The following THSD7B variants were observed in gnomAD, a reference collection of about 807,000 sequenced individuals.
The protein encoded by THSD7B is thrombospondin type 1 domain containing 7B.
Under a neutral mutation model 213.6 loss-of-function variants are expected in THSD7B, and 138 were observed. The ratio of observed to expected loss-of-function variants is 0.65; its 90% CI spans 0.56 to 0.74. The LOEUF is 0.74. Ranked by LOEUF, THSD7B falls within the 30% of genes least tolerant of loss-of-function variation. THSD7B has a pLI of 0.00. For synonymous variants in THSD7B, 742 were observed against 687.0 expected, an observed-to-expected ratio of 1.08 and a Z score of -1.25; for missense variants, 1,931 against 1,991.5, an observed-to-expected ratio of 0.97 and a Z score of 0.58.
intron 20 of THSD7B, among the ~76,000 whole-genome samples, chr2:137,628,770 G>A (rs1682683926): frequency 6.6e-6 from 1 of 152,136 alleles, no homozygotes; most frequent in Non-Finnish European, 1.5e-5. Flanking sequence ...GAATCTTCAG[G>A]ATCTCACCTG....
chr2:137,152,854 T>C (rs188251401), intron 5 of THSD7B, among the ~76,000 whole-genome samples: 2 of 152,308 alleles, frequency 1.3e-5, no homozygotes, highest in African/African-American at 4.8e-5. Flanking sequence ...GCTCTTTCAT[T>C]GTACCTGCCT....
At chr2:136,991,610 A>G (rs923920287) in intron 2 of THSD7B, among the ~76,000 whole-genome samples, 6 of 152,146 alleles carry the variant, frequency 3.9e-5, no homozygotes, top group Admixed American at 1.3e-4. Context: ...GCATCTGAGT[A>G]GCTGGAGAGT....
intron 3 of THSD7B, among the ~76,000 whole-genome samples, chr2:137,058,737 A>T (rs35558930): frequency 0.095 from 14,526 of 152,120 alleles, 937 homozygotes; most frequent in African/African-American, 0.18. Flanking sequence ...GGAGGTAATT[A>T]TGTCGTGATG....
At chr2:136,887,990 A>G (rs1683748720) in intron 2 of THSD7B, among the ~76,000 whole-genome samples, 1 of 152,160 alleles carries the variant, frequency 6.6e-6, no homozygotes, top group Admixed American at 6.5e-5. Flanking sequence ...TGGCTATTCA[A>G]TAACTGTTAG....
chr2:137,377,951 T>A (rs1685696921), intron 12 of THSD7B, among the ~76,000 whole-genome samples: 1 of 152,158 alleles, frequency 6.6e-6, no homozygotes, highest in Admixed American at 6.6e-5. Context: ...AGTGTACTAT[T>A]TGATGACTTT....
chr2:137,013,010 A>G (rs889312578), intron 2 of THSD7B, among the ~76,000 whole-genome samples: 4 of 152,250 alleles, frequency 2.6e-5, no homozygotes, highest in African/African-American at 9.6e-5. Flanking sequence ...GCCGGTCAAG[A>G]TAACTCAATG....
In THSD7B at chr2:136,979,709, A is replaced by C. The variant is rs11890722; in HGVS notation, c.140-76711A>C. ...TTATCATGGTTCTTGGCTTCTTTGC[A>C]TTGGGTTAAAACATACTCCTTTATT... On this transcript the variant is annotated intron_variant, in intron 2 of 27. Coordinates refer to ENST00000409968, the MANE Select transcript of THSD7B (RefSeq NM_001316349.2). 2.6e-5 allele frequency among the ~76,000 whole-genome samples: 4 copies of C among 152,218 alleles called. No homozygotes were observed. In the South Asian group the frequency reaches 8.3e-4, roughly 32 times the overall value.
intron 17 of THSD7B, among the ~76,000 whole-genome samples, chr2:137,611,709 C>G (rs1331023874): frequency 6.6e-6 from 1 of 151,806 alleles, no homozygotes; most frequent in African/African-American, 2.4e-5. Context: ...CACCTGCCAC[C>G]TTATCTTCCA....
intron 1 of THSD7B, among the ~76,000 whole-genome samples, chr2:136,871,248 G>T (rs1171425095): frequency 2.6e-5 from 4 of 152,134 alleles, no homozygotes; most frequent in Non-Finnish European, 5.9e-5. Flanking sequence ...GGCGAAGTCA[G>T]GTTGAAGATA....
rs558420384 is a variant in THSD7B, at chr2:137,568,887, G to T, written c.3273-3519G>T. 2.0e-5 allele frequency among the ~76,000 whole-genome samples: 3 copies of T among 152,280 alleles called. No individual in the cohort carries two copies. The South Asian group carries it at 6.2e-4, about 32-fold the overall frequency. Reference sequence around the variant, plus strand: ...AACCTAGTGAAACAGGAATGCTGGGGTTATAGAGAGAATGGTGGCCCCCAA... The same window carrying T: ...AACCTAGTGAAACAGGAATGCTGGGTTTATAGAGAGAATGGTGGCCCCCAA... On this transcript the variant is annotated intron_variant, in intron 16 of 27. Coordinates refer to ENST00000409968, the MANE Select transcript of THSD7B (RefSeq NM_001316349.2).
chr2:136,905,045 G>T (rs1181409745), intron 2 of THSD7B, among the ~76,000 whole-genome samples: 1 of 152,142 alleles, frequency 6.6e-6, no homozygotes, highest in African/African-American at 2.4e-5. Flanking sequence ...TGTGTAATGC[G>T]ATCCTCATGG....
chr2:137,049,964 T>G (rs1003161132), intron 2 of THSD7B, among the ~76,000 whole-genome samples: 1 of 152,160 alleles, frequency 6.6e-6, no homozygotes, highest in Non-Finnish European at 1.5e-5. Flanking sequence ...CAGCGTGATA[T>G]AGAGTTACAA....
intron 17 of THSD7B, among the ~76,000 whole-genome samples, chr2:137,575,017 G>T (rs1681429955): frequency 6.6e-6 from 1 of 151,948 alleles, no homozygotes; most frequent in South Asian, 2.1e-4. Flanking sequence ...ATATGATATT[G>T]GGACAAATTC....
intron 6 of THSD7B, 99 bp downstream of exon 6, chr2:137,160,467 T>C (rs1319212772): frequency 2.8e-6 from 4 of 1,447,276 alleles, no homozygotes; most frequent in Non-Finnish European, 3.7e-6. Context: ...ACAATATTTG[T>C]TTGTAAAATT....
chr2:137,676,591 G>T lies in THSD7B; in HGVS notation c.4807G>T (p.Asp1603Tyr). Reference sequence around the variant, plus strand: ...GCCTCTGACCTTAGCCTACGATGGAGACTTAGACATGTAATCTGAAAAAGA... The same window carrying T: ...GCCTCTGACCTTAGCCTACGATGGATACTTAGACATGTAATCTGAAAAAGA... ...QKPLTLAYDG[D>Y]LDM The change falls in exon 28 of 28, where the codon GAC becomes TAC. Residue 1603 changes from aspartate (D) to tyrosine (Y), a missense_variant. By Grantham distance (160) the Asp-to-Tyr change is radical. Transcript: ENST00000409968. 6.3e-7 allele frequency: 1 copy of T among 1,584,950 alleles called. No homozygotes were observed. The highest frequency in any genetic ancestry group is 8.6e-7 in the Non-Finnish European group (1 of 1,167,564).
At chr2:137,408,505 CT>C (rs1472014957) in intron 13 of THSD7B, among the ~76,000 whole-genome samples, 1 of 152,146 alleles carries the variant, frequency 6.6e-6, no homozygotes, top group African/African-American at 2.4e-5. Flanking sequence ...GAGATTTTTA[CT>C]GGAGATAATT....
At chr2:136,858,878 T>C (rs1649539) in intron 1 of THSD7B, among the ~76,000 whole-genome samples, 150,382 of 152,332 alleles carry the variant, frequency 0.99, 74,271 homozygotes, top group South Asian at 1. Context: ...TTCATCAAGT[T>C]GCTCCCGGCT....
At chr2:137,183,806 T>C (rs373709045) in intron 7 of THSD7B, among the ~76,000 whole-genome samples, 69 of 152,206 alleles carry the variant, frequency 4.5e-4, no homozygotes, top group African/African-American at 1.7e-3. Flanking sequence ...CTATGGAAAA[T>C]CAATTTCTTT....
intron 14 of THSD7B, 28 bp from the exon 15 acceptor site, chr2:137,450,817 T>A: frequency 6.5e-7 from 1 of 1,538,176 alleles, no homozygotes; most frequent in Non-Finnish European, 8.8e-7. Flanking sequence ...TTAATCAGAC[T>A]TTCTTCTCTT....
Sources: gnomAD v4.1 joint callset for allele counts (sites outside exome capture counted in the v4.1 genomes callset) on GRCh38, gnomAD v4.1.1 for gene constraint, MANE v1.5 for transcripts, NCBI Gene and HGNC (gene_info 2026-07-23, HGNC 2026-07-21) for gene names.